Variants in ROCK2 observed in about 807,000 individuals in gnomAD.
ROCK2 encodes Rho associated coiled-coil containing protein kinase 2.
ROCK2 carries 61 observed loss-of-function variants against 195.1 expected under a neutral mutation model. The ratio of observed to expected loss-of-function variants is 0.31; its 90% CI spans 0.25 to 0.39. The LOEUF is 0.39. ROCK2 is among the 10% of genes least tolerant of loss of function. The pLI is 1.00. For synonymous variants in ROCK2, 504 were observed against 545.5 expected, an observed-to-expected ratio of 0.92 and a Z score of 1.06; for missense variants, 1,109 against 1,637.4, an observed-to-expected ratio of 0.68 and a Z score of 5.57.
chr2:11,330,822 A>G (rs1572417312), intron 1 of ROCK2, among the ~76,000 whole-genome samples: 1 of 10,144 alleles, frequency 9.9e-5, no homozygotes, highest in Non-Finnish European at 2.2e-4. Context: ...GAAGGGGAGG[A>G]GGAGGGGGAG....
chr2:11,201,629 G>A lies in ROCK2; in HGVS notation c.2620-216C>T, dbSNP rs1663855263. Among the ~76,000 whole-genome samples the A allele has an allele frequency of 6.6e-6, 1 of 152,024 alleles. No homozygotes were observed. On this transcript the variant is annotated intron_variant, in intron 21 of 32. Transcript: ENST00000315872. This position sits in a 1 kb window ranked among gnomAD's most constrained non-coding sequence, Gnocchi z 4.6. The stretch of plus-strand genomic sequence containing the variant: ...TAATTAAGAAGCATGATTTTCAACT[G>A]GATATCACAGTGATATTTCTCATTT...
In ROCK2 at chr2:11,265,975, C is replaced by T. The variant is rs191187152; in HGVS notation, c.325-16177G>A. On this transcript the variant is annotated intron_variant, in intron 3 of 32. Transcript: ENST00000315872. ...AAAACTAGCCATGTATGGCGGTACA[C>T]ACCTGTGGTCCTTTTTCTATTTTTA... 4.1e-3 allele frequency among the ~76,000 whole-genome samples: 625 copies of T among 152,114 alleles called. 3 individuals are homozygous for T. Among genetic ancestry groups the T allele is most frequent in the African/African-American group, 0.014 (564 of 41,516 alleles).
At chr2:11,271,765 C>T (rs941501341) in intron 3 of ROCK2, among the ~76,000 whole-genome samples, 12 of 152,158 alleles carry the variant, frequency 7.9e-5, no homozygotes, top group South Asian at 4.1e-4. Flanking sequence ...CGGTGGCTCA[C>T]GCCTGTAATC....
chr2:11,232,074 T>A (rs1356710521), intron 5 of ROCK2, among the ~76,000 whole-genome samples: 2 of 152,120 alleles, frequency 1.3e-5, no homozygotes, highest in Non-Finnish European at 2.9e-5. Context: ...GTAAGCTGTA[T>A]AAAACCAAGT....
Position 11,183,391 on chromosome 2 carries a change from G to GATT in ROCK2, c.*45_*46insAAT, listed in dbSNP as rs765450508. 6.4e-7 allele frequency: 1 copy of GATT among 1,550,580 alleles called. No homozygotes were observed. The highest frequency in any genetic ancestry group is 2.3e-5 in the East Asian group (1 of 43,700). ...TCATATTTCAGTCTTGTTTTCACTG[G>GATT]AAGAATACGATCACCTTGAATAATG... On this transcript the variant is annotated 3_prime_UTR_variant, in exon 33 of 33. Transcript: ENST00000315872.
intron 1 of ROCK2, among the ~76,000 whole-genome samples, chr2:11,338,858 C>T (rs867498242): frequency 1.3e-5 from 2 of 150,820 alleles, no homozygotes; most frequent in Middle Eastern, 6.8e-3. Context: ...AAAGTATATA[C>T]TATATGATTC....
chr2:11,211,984 C>A, intron 17 of ROCK2, 144 bp from the exon 18 acceptor site: 1 of 543,428 alleles, frequency 1.8e-6, no homozygotes, highest in Non-Finnish European at 3.0e-6. Flanking sequence ...TGGCTCATTG[C>A]AGCCTCAACC....
intron 5 of ROCK2, chr2:11,234,636 A>T (rs1010534427): frequency 6.6e-6 from 1 of 152,136 alleles, no homozygotes; most frequent in South Asian, 2.1e-4. Flanking sequence ...ATTAAGTTCT[A>T]GCTGGATAGA....
Position 11,236,610 on chromosome 2 carries a change from C to A in ROCK2, c.463-648G>T, listed in dbSNP as rs565970322. ...CCAGTCCAGGTTGCTACTGACCCCCCAAACAGACAGAGAAACCACAATGTC... is the reference window on the plus strand; with the variant it reads ...CCAGTCCAGGTTGCTACTGACCCCCAAAACAGACAGAGAAACCACAATGTC... On this transcript the variant is annotated intron_variant, in intron 4 of 32. Transcript: ENST00000315872. Among the ~76,000 whole-genome samples, 6 of 152,256 alleles carry A rather than the reference C, an allele frequency of 3.9e-5. No individual in the cohort carries two copies. The South Asian group carries it at 1.0e-3, about 26-fold the overall frequency.
intron 23 of ROCK2, among the ~76,000 whole-genome samples, chr2:11,199,083 T>C (rs1261672371): frequency 1.3e-5 from 2 of 151,872 alleles, no homozygotes; most frequent in Non-Finnish European, 2.9e-5. Context: ...ATAGTTTTAG[T>C]AGAGATGGGG....
At chr2:11,249,843 A>T in intron 3 of ROCK2, 45 bp from the exon 4 acceptor site, 4 of 1,388,524 alleles carry the variant, frequency 2.9e-6, no homozygotes, top group Non-Finnish European at 3.8e-6. Flanking sequence ...TCATGTTATG[A>T]GAGAAAGGTA....
At chr2:11,267,644 C>T (rs574687018) in intron 3 of ROCK2, among the ~76,000 whole-genome samples, 9 of 151,740 alleles carry the variant, frequency 5.9e-5, no homozygotes, top group African/African-American at 9.7e-5. Context: ...CAACCTCAGA[C>T]GGCATTGTTC....
At chr2:11,189,241 T>C (rs1663324284) in intron 32 of ROCK2, among the ~76,000 whole-genome samples, 1 of 152,220 alleles carries the variant, frequency 6.6e-6, no homozygotes, top group Non-Finnish European at 1.5e-5. Flanking sequence ...GATTGACTAA[T>C]GCTAAGACTA....
chr2:11,201,533 C>T lies in ROCK2; in HGVS notation c.2620-120G>A. On this transcript the variant is annotated intron_variant, in intron 21 of 32. Transcript: ENST00000315872. This position sits in a 1 kb window ranked among gnomAD's most constrained non-coding sequence, Gnocchi z 4.6. ...ACAAATATTTTCTTACTGCTAAGTC[C>T]CCGAGCAAATGAATAGTTTAATGAA... The T allele has an allele frequency of 1.6e-6, 1 of 634,406 alleles. No homozygotes were observed. 39.3% of individuals were successfully genotyped at this position (634,406 alleles called of 1,614,324 possible). A position where few individuals can be genotyped will look rare whatever the true frequency, so the allele number is the denominator to read the frequency against.
At chr2:11,251,480 C>T (rs1484054494) in intron 3 of ROCK2, among the ~76,000 whole-genome samples, 1 of 152,074 alleles carries the variant, frequency 6.6e-6, no homozygotes, top group Admixed American at 6.6e-5. Flanking sequence ...ATCAAACTGC[C>T]CAAGGGCTAT....
intron 6 of ROCK2, among the ~76,000 whole-genome samples, chr2:11,224,950 T>C (rs1474350404): frequency 6.6e-6 from 1 of 152,198 alleles, no homozygotes; most frequent in Non-Finnish European, 1.5e-5. Flanking sequence ...CTAGTTATAC[T>C]AGCCACATTT....
intron 19 of ROCK2, 23 bp from the exon 20 acceptor site, chr2:11,207,933 G>A (rs771026781): frequency 7.0e-7 from 1 of 1,432,270 alleles, no homozygotes; most frequent in Admixed American, 2.4e-5. Flanking sequence ...TTGTGTACTT[G>A]GTATATAAGT....
chr2:11,305,444 TAC>T (rs59533265), intron 1 of ROCK2, among the ~76,000 whole-genome samples: 12,522 of 150,344 alleles, frequency 0.083, 939 homozygotes, highest in African/African-American at 0.21. Flanking sequence ...TGTGTGGGTG[TAC>T]ACACACACAC....
At chr2:11,206,578 T>G (rs754108785) in intron 20 of ROCK2, among the ~76,000 whole-genome samples, 1 of 152,208 alleles carries the variant, frequency 6.6e-6, no homozygotes, top group Non-Finnish European at 1.5e-5. Context: ...TGGCAATAAA[T>G]AGATCAGCTC....
Sources: allele counts gnomAD v4.1 joint callset (sites outside exome capture counted in the v4.1 genomes callset), GRCh38; gene constraint gnomAD v4.1.1; non-coding constraint Gnocchi (gnomAD v3.1); transcripts MANE v1.5; gene names NCBI Gene and HGNC (gene_info 2026-07-23, HGNC 2026-07-21).